Variants in TMEM106C observed in about 807,000 individuals in gnomAD.
TMEM106C encodes the protein endoplasmic reticulum membrane protein overexpressed in cancer.
A neutral mutation model predicts 30.8 loss-of-function variants in TMEM106C; 27 were observed. That is an observed-to-expected ratio of 0.88 (90% confidence interval 0.65 to 1.21). The LOEUF is 1.21. TMEM106C is among the 50% of genes most tolerant of loss of function. The pLI, the probability that TMEM106C is intolerant of heterozygous loss-of-function variation, is 0.00. For missense variants in TMEM106C, 288 were observed against 307.8 expected (o/e 0.94, Z 0.48); for synonymous variants, 123 against 118.8 (o/e 1.04, Z -0.23).
Position 47,968,353 on chromosome 12 carries a change from C to A in TMEM106C, c.*124C>A, listed in dbSNP as rs181360781. On this transcript the variant is annotated 3_prime_UTR_variant, in exon 8 of 8. Transcript: ENST00000429772. ...GAGGAGGAATTGGTTCACTTAACTC[C>A]CAGCAAACATCCTCCTGCCACTTAG... 2.6e-6 allele frequency: 2 copies of A among 758,566 alleles called. No homozygotes were observed. Among genetic ancestry groups the A allele is most frequent in the Non-Finnish European group, 4.6e-6 (2 of 431,244 alleles). 47.0% of individuals were successfully genotyped at this position (758,566 alleles called of 1,614,324 possible).
intron 6 of TMEM106C, 87 bp downstream of exon 6, chr12:47,966,819 C>G: frequency 6.8e-7 from 1 of 1,460,784 alleles, no homozygotes; most frequent in Admixed American, 1.7e-5. Flanking sequence ...CTGGTCCTGC[C>G]TTAGATCTCA....
intron 1 of TMEM106C, 166 bp downstream of exon 1, chr12:47,963,870 G>T: frequency 3.5e-6 from 1 of 287,110 alleles, no homozygotes; most frequent in Non-Finnish European, 6.7e-6. Context: ...GTTGCTCGAG[G>T]AGGGGCATAG....
intron 2 of TMEM106C, chr12:47,964,629 C>T: frequency 1.7e-6 from 1 of 579,248 alleles, no homozygotes; most frequent in African/African-American, 1.9e-5. Context: ...CTTTTCTTTA[C>T]CGCCACTCTT....
In TMEM106C at chr12:47,966,885, G is replaced by A. The variant is rs1592186653; in HGVS notation, c.602+153G>A. On this transcript the variant is annotated intron_variant, in intron 6 of 7. Transcript: ENST00000429772. Reference sequence around the variant, plus strand: ...ATGTCTTGAGATTTATTTGAAGAATGTATTATTATTATGTGTGTATTTGAA... The same window carrying A: ...ATGTCTTGAGATTTATTTGAAGAATATATTATTATTATGTGTGTATTTGAA... 7 of 737,010 alleles carry A rather than the reference G, an allele frequency of 9.5e-6. No individual in the cohort carries two copies. In the East Asian group the frequency reaches 1.8e-4, roughly 19 times the overall value. 45.7% of individuals were successfully genotyped at this position (737,010 alleles called of 1,614,324 possible).
intron 1 of TMEM106C, 92 bp downstream of exon 1, chr12:47,963,796 C>T: frequency 9.4e-6 from 2 of 212,906 alleles, no homozygotes; most frequent in Non-Finnish European, 1.9e-5. Flanking sequence ...AGCCCGCCTC[C>T]TGGGGCTGGG....
chr12:47,968,037 T>A (rs1409667021), intron 7 of TMEM106C, 96 bp from the exon 8 acceptor site: 2 of 843,294 alleles, frequency 2.4e-6, no homozygotes, highest in East Asian at 5.1e-5. Context: ...CCCGTGGGTA[T>A]TGTTCTCTGA....
rs2286025 is a variant in TMEM106C at position 47,966,201 on chromosome 12, C to T, written c.524C>T (p.Ser175Phe). The T allele has an allele frequency of 0.12, 194,504 of 1,613,910 alleles. 16,427 individuals carry two copies. The highest frequency in any genetic ancestry group is 0.38 in the East Asian group (17,061 of 44,872). The part of the protein sequence containing the change: ...VVSTYVTTNV[S>F]LIPPRSEQLV... The stretch of plus-strand genomic sequence containing the variant: ...AGTACATATGTGACTACTAACGTCT[C>T]CCTTATTCCACCTCGGAGTGAGCAA... Residue 175 changes from serine (S) to phenylalanine (F), a missense_variant, in exon 5 of 8, where the codon TCC (serine) becomes TTC (phenylalanine). Coordinates refer to ENST00000429772, the MANE Select transcript of TMEM106C (RefSeq NM_001143842.2).
chr12:47,968,008 T>C (rs886791062), intron 7 of TMEM106C, 125 bp from the exon 8 acceptor site: 1 of 651,864 alleles, frequency 1.5e-6, no homozygotes, highest in African/African-American at 1.8e-5. Flanking sequence ...TACATAACCA[T>C]GAGGATATGT....
At chr12:47,964,490 A>G in intron 2 of TMEM106C, 67 bp downstream of exon 2, 1 of 1,537,512 alleles carries the variant, frequency 6.5e-7, no homozygotes, top group Non-Finnish European at 8.9e-7. Context: ...CTGTCTGCCC[A>G]GACAACTTTT....
chr12:47,967,257 A>G lies in TMEM106C; in HGVS notation c.652A>G (p.Met218Val), dbSNP rs764969370. 6.2e-6 allele frequency: 10 copies of G among 1,613,854 alleles called. No homozygotes were observed. The highest frequency in any genetic ancestry group is 1.7e-5 in the Admixed American group (1 of 60,000). Residue 218 changes from methionine (M) to valine (V), a missense_variant, in exon 7 of 8, where the codon ATG becomes GTG. Met to Val is a conservative substitution (Grantham distance 21, BLOSUM62 1). Coordinates refer to ENST00000429772, the MANE Select transcript of TMEM106C (RefSeq NM_001143842.2). ...EILVHNIVIFMRTSVKISYIG... is the reference protein window; with the variant it reads ...EILVHNIVIFVRTSVKISYIG... ...CCTGGTGCACAACATAGTGATCTTC[A>G]TGCGGTGCGTCTCTCTTCCCTATCC...
In TMEM106C at chr12:47,964,272, C is replaced by G. The variant is rs375118999; in HGVS notation, c.36C>G (p.Ser12=). 1.2e-6 allele frequency: 2 copies of G among 1,613,950 alleles called. No individual in the cohort carries two copies. Among genetic ancestry groups the G allele is most frequent in the Middle Eastern group, 1.6e-4 (1 of 6,062 alleles). Residue 12 remains serine (S), a synonymous_variant, in exon 2 of 8, where the codon TCC becomes TCG. Coordinates refer to ENST00000429772, the MANE Select transcript of TMEM106C (RefSeq NM_001143842.2). ...AGCATTCCGCTGCTGCTCGCCCCTC[C>G]TCCTGCAGGCGAAAGCAAGAAGATG... ...GSQHSAAARP[S]SCRRKQEDDR... is the part of the protein sequence containing the mutation.
intron 7 of TMEM106C, among the ~76,000 whole-genome samples, chr12:47,967,652 G>A (rs1250327168): frequency 6.6e-6 from 1 of 152,182 alleles, no homozygotes; most frequent in Non-Finnish European, 1.5e-5. Flanking sequence ...TTTTCTGGAA[G>A]CATGGCTGTT....
rs1565658587 is a variant in TMEM106C, at chr12:47,966,202, C to A, written c.525C>A (p.Ser175=). ...VVSTYVTTNV[S]LIPPRSEQLV... ...GTACATATGTGACTACTAACGTCTC[C>A]CTTATTCCACCTCGGAGTGAGCAAC... Residue 175 remains serine, a synonymous_variant, in exon 5 of 8, where the codon TCC becomes TCA. Coordinates refer to ENST00000429772, the MANE Select transcript of TMEM106C (RefSeq NM_001143842.2). 1 of 1,614,078 alleles carries A rather than the reference C, an allele frequency of 6.2e-7. No individual in the cohort carries two copies. The highest frequency in any genetic ancestry group is 1.3e-5 in the African/African-American group (1 of 75,032).
chr12:47,964,133 A>T, intron 1 of TMEM106C, 76 bp from the exon 2 acceptor site: 2 of 1,350,128 alleles, frequency 1.5e-6, no homozygotes, highest in Admixed American at 2.2e-5. Flanking sequence ...TGCGTTTTTA[A>T]TTTTCTTATA....
chr12:47,965,182 C>A, intron 2 of TMEM106C, 100 bp from the exon 3 acceptor site: 1 of 933,856 alleles, frequency 1.1e-6, no homozygotes, highest in Non-Finnish European at 1.7e-6. Context: ...TAAAATGTCT[C>A]ATTCCAGAAG....
In TMEM106C at chr12:47,965,437, A is replaced by G. The variant is rs1938190401; in HGVS notation, c.251+92A>G. The G allele has an allele frequency of 9.3e-6, 11 of 1,185,176 alleles. No individual in the cohort carries two copies. In the South Asian group the frequency reaches 1.3e-4, roughly 14 times the overall value. 73.4% of individuals were successfully genotyped at this position (1,185,176 alleles called of 1,614,324 possible). A position where few individuals can be genotyped will look rare whatever the true frequency, so the allele number is the denominator to read the frequency against. On this transcript the variant is annotated intron_variant, in intron 3 of 7. Coordinates refer to ENST00000429772, the MANE Select transcript of TMEM106C (RefSeq NM_001143842.2). ...TGCCAGTTAATTCTTTGAAAACTAC[A>G]CATGTTCTTATAAGTTCCCCATTTT...
rs957748548 is a variant in TMEM106C at position 47,967,046 on chromosome 12, A to G, written c.603-162A>G. ...GAAAGTGGTATGACGCTGTGGGAGG[A>G]TGAAAATGACAGTGGCAGGGACTGA... On this transcript the variant is annotated intron_variant, in intron 6 of 7. Transcript: ENST00000429772. 82 of 757,502 alleles carry G rather than the reference A, an allele frequency of 1.1e-4. 1 individual carries two copies. The highest frequency in any genetic ancestry group is 1.7e-5 in the African/African-American group (1 of 57,338). 46.9% of individuals were successfully genotyped at this position (757,502 alleles called of 1,614,324 possible). A position where few individuals can be genotyped will look rare whatever the true frequency, so the allele number is the denominator to read the frequency against.
chr12:47,966,144 C>A lies in TMEM106C; in HGVS notation c.467C>A (p.Ser156Tyr). Residue 156 changes from serine (S) to tyrosine (Y), a missense_variant, in exon 5 of 8, where the codon TCC (serine) becomes TAC (tyrosine). Physicochemically the swap from Ser to Tyr is moderately radical, Grantham distance 144. Transcript: ENST00000429772. ...TACACGGTGGCAGTGACCAGCCTGT[C>A]CAGCCAGATTCAGTACATGAACACA... ...NFYTVAVTSLSSQIQYMNTVV... is the reference protein window; with the variant it reads ...NFYTVAVTSLYSQIQYMNTVV... The A allele has an allele frequency of 1.2e-6, 2 of 1,614,186 alleles. No individual in the cohort carries two copies. The highest frequency in any genetic ancestry group is 1.7e-6 in the Non-Finnish European group (2 of 1,180,032).
At chr12:47,964,517 C>A (rs73297117) in intron 2 of TMEM106C, 94 bp downstream of exon 2, 53 of 1,194,136 alleles carry the variant, frequency 4.4e-5, no homozygotes, top group Non-Finnish European at 5.7e-5. Context: ...GGCAGTAATA[C>A]CATAATAGAG....
Sources: allele counts gnomAD v4.1 joint callset (sites outside exome capture counted in the v4.1 genomes callset), GRCh38; gene constraint gnomAD v4.1.1; transcripts MANE v1.5; gene names NCBI Gene and HGNC (gene_info 2026-07-23, HGNC 2026-07-21).